Variants in NTM observed in about 807,000 individuals in gnomAD.
NTM encodes neurotrimin.
NTM carries 13 observed loss-of-function variants against 42.1 expected under a neutral mutation model. The observed-to-expected ratio is 0.31, with a 90% CI of 0.20 to 0.49. The LOEUF is 0.49. Among genes scored for constraint, NTM ranks in the 20% least tolerant of loss-of-function variants. The probability of loss-of-function intolerance (pLI) is 0.99; values close to 1 mark genes in which losing one functional copy is unlikely to be tolerated. For synonymous variants in NTM, 187 were observed against 179.2 expected, an observed-to-expected ratio of 1.04 and a Z score of -0.35; for missense variants, 373 against 452.8, an observed-to-expected ratio of 0.82 and a Z score of 1.60.
At chr11:131,559,463 G>A (rs576344039) in intron 1 of NTM, among the ~76,000 whole-genome samples, 1 of 152,174 alleles carries the variant, frequency 6.6e-6, no homozygotes, top group African/African-American at 2.4e-5. Context: ...TATCCATCAG[G>A]AAAAGCTAGG....
intron 1 of NTM, among the ~76,000 whole-genome samples, chr11:131,490,469 G>T (rs1954657794): frequency 6.6e-6 from 1 of 152,198 alleles, no homozygotes. Context: ...TTTGTGCAAG[G>T]CTCAGCAGGG....
At chr11:131,910,802 G>A in intron 1 of NTM, 1 of 983,362 alleles carries the variant, frequency 1.0e-6, no homozygotes, top group Non-Finnish European at 1.2e-6. Context: ...GCCCCGCCGA[G>A]CCCCGCCGGA....
chr11:132,111,183 T>C (rs1240036056), intron 2 of NTM, among the ~76,000 whole-genome samples: 1 of 148,516 alleles, frequency 6.7e-6, no homozygotes, highest in African/African-American at 2.4e-5. Flanking sequence ...GTCTCCTTGG[T>C]AGCAATGCAT....
At chr11:132,006,158 G>A (rs187176880) in intron 2 of NTM, among the ~76,000 whole-genome samples, 1 of 152,258 alleles carries the variant, frequency 6.6e-6, no homozygotes, top group African/African-American at 2.4e-5. Context: ...TCGCATTCAA[G>A]GATGTGTAGG....
intron 2 of NTM, among the ~76,000 whole-genome samples, chr11:132,085,248 T>G (rs184975602): frequency 1.1e-4 from 16 of 152,376 alleles, no homozygotes; most frequent in African/African-American, 3.1e-4. Flanking sequence ...AAATGTATTT[T>G]CAGTGGTCTC....
At chr11:132,195,137 T>A (rs2079974191) in intron 3 of NTM, among the ~76,000 whole-genome samples, 1 of 151,936 alleles carries the variant, frequency 6.6e-6, no homozygotes, top group Non-Finnish European at 1.5e-5. Flanking sequence ...TCAATAGCAT[T>A]TCTCTACACC....
Position 131,965,349 on chromosome 11 carries a change from G to A in NTM, c.167+53701G>A, listed in dbSNP as rs75538760. ...CAACGTCTCCTGGAAAGCAGACAAG[G>A]AAATAACTTATAGAGTGAGGCAGAA... On this transcript the variant is annotated intron_variant, in intron 2 of 8. Coordinates refer to ENST00000683400, the MANE Select transcript of NTM (RefSeq NM_001352005.2). 3.0e-3 allele frequency among the ~76,000 whole-genome samples: 453 copies of A among 152,176 alleles called. 12 individuals are homozygous for A. In the East Asian group the frequency reaches 0.054, roughly 18 times the overall value.
At chr11:132,045,886 G>A (rs1016235850) in intron 2 of NTM, among the ~76,000 whole-genome samples, 5 of 152,192 alleles carry the variant, frequency 3.3e-5, no homozygotes, top group South Asian at 2.1e-4. Flanking sequence ...AAATCTGTCC[G>A]AGGATCTGGA....
intron 1 of NTM, among the ~76,000 whole-genome samples, chr11:131,501,914 G>A (rs906993813): frequency 1.1e-4 from 17 of 152,078 alleles, no homozygotes; most frequent in African/African-American, 4.1e-4. Context: ...ATCAATGGAT[G>A]AGCCTGGAAT....
At chr11:132,096,574 G>T (rs573780379) in intron 2 of NTM, among the ~76,000 whole-genome samples, 1 of 152,210 alleles carries the variant, frequency 6.6e-6, no homozygotes, top group East Asian at 1.9e-4. Context: ...AACTCCCCCC[G>T]CCCTCTAGGG....
chr11:131,477,267 G>T (rs1953049404), intron 1 of NTM, among the ~76,000 whole-genome samples: 1 of 152,120 alleles, frequency 6.6e-6, no homozygotes, highest in Non-Finnish European at 1.5e-5. Flanking sequence ...ACAGATTTAT[G>T]AAGTCAGAAT....
rs2048359960 is a variant in NTM at position 131,875,202 on chromosome 11, C to G, written c.83-36362C>G. Among the ~76,000 whole-genome samples, 4 of 152,160 alleles carry G rather than the reference C, an allele frequency of 2.6e-5. No homozygotes were observed. In the South Asian group the frequency reaches 8.3e-4, roughly 32 times the overall value. Reference sequence around the variant, plus strand: ...CACTGTCTATCCTTCCTCACTTAATCAAAAAATTCTGGTTTATTGGTTTTA... The same window carrying G: ...CACTGTCTATCCTTCCTCACTTAATGAAAAAATTCTGGTTTATTGGTTTTA... On this transcript the variant is annotated intron_variant, in intron 1 of 8. Transcript: ENST00000683400.
intron 4 of NTM, among the ~76,000 whole-genome samples, chr11:132,263,350 T>C (rs2092986835): frequency 6.6e-6 from 1 of 152,240 alleles, no homozygotes; most frequent in Non-Finnish European, 1.5e-5. Context: ...TTGCACACAT[T>C]CATAGCTGAG....
At chr11:131,374,205 G>A (rs540320085) in intron 1 of NTM, among the ~76,000 whole-genome samples, 83 of 152,308 alleles carry the variant, frequency 5.4e-4, no homozygotes, top group Admixed American at 1.8e-3. Context: ...GCCAGGCTTG[G>A]GGCTGCCAAC....
intron 1 of NTM, among the ~76,000 whole-genome samples, chr11:131,458,865 G>A (rs1342077833): frequency 1.3e-5 from 2 of 152,220 alleles, no homozygotes; most frequent in Non-Finnish European, 2.9e-5. Context: ...TTGTGTTTCC[G>A]TAGGTTTGTA....
chr11:131,686,500 A>G (rs2073891006), intron 1 of NTM, among the ~76,000 whole-genome samples: 1 of 152,200 alleles, frequency 6.6e-6, no homozygotes, highest in South Asian at 2.1e-4. Flanking sequence ...CATGTTCACC[A>G]TGAGTAGGCT....
At chr11:131,605,652 A>G in intron 1 of NTM, 1 of 219,038 alleles carries the variant, frequency 4.6e-6, no homozygotes, top group Non-Finnish European at 7.7e-6. Context: ...TCTCCCCAGT[A>G]AGTATGATGT....
At chr11:131,670,973 C>A (rs1248712017) in intron 1 of NTM, among the ~76,000 whole-genome samples, 1 of 152,136 alleles carries the variant, frequency 6.6e-6, no homozygotes, top group Non-Finnish European at 1.5e-5. Flanking sequence ...AAACAGACGT[C>A]CTTCCCTCTG....
chr11:132,059,266 C>T (rs1047686550), intron 2 of NTM, among the ~76,000 whole-genome samples: 5 of 152,134 alleles, frequency 3.3e-5, no homozygotes, highest in Non-Finnish European at 4.4e-5. Flanking sequence ...GTTCAGCAGC[C>T]CAACAACCTG....
Sources: gnomAD v4.1 joint callset for allele counts (sites outside exome capture counted in the v4.1 genomes callset) on GRCh38, gnomAD v4.1.1 for gene constraint, MANE v1.5 for transcripts, NCBI Gene and HGNC (gene_info 2026-07-23, HGNC 2026-07-21) for gene names.